MAP3K19: variants seen among roughly 807,000 people sequenced by gnomAD.
MAP3K19 encodes SPS1/STE20-related protein kinase YSK4.
A neutral mutation model predicts 114.4 loss-of-function variants in MAP3K19; 91 were observed. The ratio of observed to expected loss-of-function variants is 0.80; its 90% CI spans 0.67 to 0.95. MAP3K19 has a LOEUF of 0.95. Among genes scored for constraint, MAP3K19 ranks in the 40% least tolerant of loss-of-function variants. MAP3K19 has a pLI of 0.00. For synonymous variants in MAP3K19, 518 were observed against 530.5 expected (o/e 0.98, Z 0.32); for missense variants, 1,471 against 1,573.2 (o/e 0.94, Z 1.10).
rs144673376 is a variant in MAP3K19 at position 134,999,581 on chromosome 2, A to G, written c.314+356T>C. On this transcript the variant is annotated intron_variant, in intron 7 of 12. Coordinates refer to ENST00000392915, the MANE Select transcript of MAP3K19 (RefSeq NM_025052.5). The surrounding 1 kb of genome is among the most constrained non-coding windows in gnomAD (Gnocchi z 4.1). ...TCATGGACTAGTAACAGGACCACAG[A>G]ACCACATTCTAAGTAGCTCTGCCCT... Among the ~76,000 whole-genome samples the G allele has an allele frequency of 4.3e-4, 66 of 152,336 alleles. No homozygotes were observed. Among genetic ancestry groups the G allele is most frequent in the African/African-American group, 1.5e-3 (62 of 41,570 alleles).
Position 135,005,612 on chromosome 2 carries a change from T to C in MAP3K19, c.139-81A>G, listed in dbSNP as rs1686758378. The C allele has an allele frequency of 2.9e-6, 3 of 1,046,390 alleles. No homozygotes were observed. In the South Asian group the frequency reaches 3.9e-5, roughly 14 times the overall value. The allele number at this position is 1,046,390 out of a possible 1,614,324, so 64.8% of individuals were successfully genotyped here. On this transcript the variant is annotated intron_variant, in intron 5 of 12. Coordinates refer to ENST00000392915, the MANE Select transcript of MAP3K19 (RefSeq NM_025052.5). ...TTGGCAGAGTGAATGTTGATTTTTCTGGGCTAAAGATTTACACCATGGATT... is the reference window on the plus strand; with the variant it reads ...TTGGCAGAGTGAATGTTGATTTTTCCGGGCTAAAGATTTACACCATGGATT...
At chr2:134,976,739 T>G (rs551467446) in intron 12 of MAP3K19, among the ~76,000 whole-genome samples, 2 of 138,882 alleles carry the variant, frequency 1.4e-5, no homozygotes, top group South Asian at 4.9e-4. Context: ...TTTGTGTCAT[T>G]TCAAAAGTAA....
chr2:134,973,044 G>T (rs1013839805), intron 12 of MAP3K19, among the ~76,000 whole-genome samples: 1 of 152,126 alleles, frequency 6.6e-6, no homozygotes, highest in Non-Finnish European at 1.5e-5. Context: ...TTGTTTTGCA[G>T]CCTAATGTAT....
intron 9 of MAP3K19, chr2:134,991,239 T>G: frequency 3.1e-6 from 1 of 326,654 alleles, no homozygotes; most frequent in South Asian, 3.2e-5. Flanking sequence ...AGGCGGAGCT[T>G]GCAGTGAGCC....
chr2:135,020,017 T>C (rs1365441369), intron 5 of MAP3K19, among the ~76,000 whole-genome samples: 2 of 151,160 alleles, frequency 1.3e-5, no homozygotes, highest in African/African-American at 2.5e-5. Context: ...GATCTCCTTT[T>C]CTTTTCCTTT....
chr2:134,996,501 G>A (rs550637113), intron 8 of MAP3K19, among the ~76,000 whole-genome samples: 19 of 152,266 alleles, frequency 1.2e-4, no homozygotes, highest in Non-Finnish European at 2.6e-4. Context: ...GTGCTATGTT[G>A]TAGGTAAGGT....
chr2:135,028,579 A>G (rs988529024), intron 3 of MAP3K19, among the ~76,000 whole-genome samples: 4 of 152,000 alleles, frequency 2.6e-5, no homozygotes, highest in Admixed American at 6.6e-5. Context: ...AAAAAATTTA[A>G]AAAAAACAAC....
chr2:134,970,962 A>G (rs1048822222), intron 12 of MAP3K19, among the ~76,000 whole-genome samples: 2 of 152,194 alleles, frequency 1.3e-5, no homozygotes, highest in African/African-American at 2.4e-5. Flanking sequence ...TATGTTGAAT[A>G]GGAGCGGTGA....
chr2:135,022,184 A>T (rs745428951), intron 4 of MAP3K19, among the ~76,000 whole-genome samples: 14 of 152,240 alleles, frequency 9.2e-5, no homozygotes, highest in Non-Finnish European at 2.1e-4. Flanking sequence ...CCAAATTTTA[A>T]GCTGTATGAG....
rs1394220815 is a variant in MAP3K19 at position 134,981,245 on chromosome 2, A to G, written c.3496T>C (p.Tyr1166His). Reference sequence around the variant, plus strand: ...ACACCTTGAAGTATTTGTTTCGTATATTTACAGAACACCATCTCAGGCAAT... The same window carrying G: ...ACACCTTGAAGTATTTGTTTCGTATGTTTACAGAACACCATCTCAGGCAAT... ...GPLPEMVFCKYTKQILQGVAY... is the reference protein window; with the variant it reads ...GPLPEMVFCKHTKQILQGVAY... Residue 1166 changes from tyrosine to histidine, a missense_variant, in exon 12 of 13, where the codon TAT (tyrosine) becomes CAT (histidine). Physicochemically the swap from Tyr to His is moderately conservative, Grantham distance 83 (BLOSUM62 2). Coordinates refer to ENST00000392915, the MANE Select transcript of MAP3K19 (RefSeq NM_025052.5). 3.7e-6 allele frequency: 6 copies of G among 1,614,074 alleles called. No homozygotes were observed. The highest frequency in any genetic ancestry group is 5.1e-6 in the Non-Finnish European group (6 of 1,180,056).
At chr2:134,981,929 T>C (rs1195967407) in intron 11 of MAP3K19, among the ~76,000 whole-genome samples, 1 of 148,278 alleles carries the variant, frequency 6.7e-6, no homozygotes, top group East Asian at 2.0e-4. Flanking sequence ...TCTCACTCTG[T>C]TGCCCAGGCT....
chr2:135,043,045 T>A (rs1438760240), intron 1 of MAP3K19, among the ~76,000 whole-genome samples: 2 of 152,086 alleles, frequency 1.3e-5, no homozygotes, highest in Non-Finnish European at 2.9e-5. Context: ...ATCAAACCAC[T>A]GCGCTCCAGC....
At chr2:135,001,415 G>C (rs1027580748) in intron 6 of MAP3K19, among the ~76,000 whole-genome samples, 1 of 152,206 alleles carries the variant, frequency 6.6e-6, no homozygotes, top group African/African-American at 2.4e-5. Flanking sequence ...CAAAAAATGA[G>C]AGACTTGGAA....
intron 12 of MAP3K19, among the ~76,000 whole-genome samples, chr2:134,969,185 CA>C (rs200293354): frequency 0.31 from 46,309 of 150,732 alleles, 8,045 homozygotes; most frequent in Middle Eastern, 0.62. Context: ...CCGTCTCCAC[CA>C]AAAAAAAATA....
In MAP3K19 at chr2:135,021,758, G is replaced by T. The variant is rs75648600; in HGVS notation, c.95C>A (p.Thr32Asn). ...NSSPTDLMTV[T>N]KNQNIILQSI... ...TTGCAAGATGATGTTTTGATTTTTG[G>T]TAACTGTCATCAAATCAGTTGGAGA... is the stretch of plus-strand genomic sequence containing the variant. Residue 32 changes from threonine (T) to asparagine (N), a missense_variant, in exon 5 of 13, where the codon ACC (threonine) becomes AAC (asparagine). Coordinates refer to ENST00000392915, the MANE Select transcript of MAP3K19 (RefSeq NM_025052.5). 2 of 1,612,616 alleles carry T rather than the reference G, an allele frequency of 1.2e-6. No individual in the cohort carries two copies. Among genetic ancestry groups the T allele is most frequent in the Non-Finnish European group, 1.7e-6 (2 of 1,179,446 alleles).
At chr2:135,024,541 T>A (rs1688179278) in intron 4 of MAP3K19, 85 bp downstream of exon 4, 2 of 1,207,334 alleles carry the variant, frequency 1.7e-6, no homozygotes, top group African/African-American at 1.5e-5. Flanking sequence ...TTTAAATGGA[T>A]CCATCAAACA....
In MAP3K19 at chr2:134,981,335, C is replaced by T. The variant is rs1406193709; in HGVS notation, c.3406G>A (p.Val1136Met). 1 of 1,614,208 alleles carries T rather than the reference C, an allele frequency of 6.2e-7. No individual in the cohort carries two copies. Among genetic ancestry groups the T allele is most frequent in the Admixed American group, 1.7e-5 (1 of 60,020 alleles). ...YLGTCLQENTVSIFMEFVPGG... is the reference protein window; with the variant it reads ...YLGTCLQENTMSIFMEFVPGG... ...GGAACAAACTCCATGAAAATGCTCA[C>T]AGTGTTCTCTTGCAAGCATGTCCCC... Residue 1136 changes from valine to methionine, a missense_variant, in exon 12 of 13, where the codon GTG (valine) becomes ATG (methionine). Val to Met is a conservative substitution (Grantham distance 21). Coordinates refer to ENST00000392915, the MANE Select transcript of MAP3K19 (RefSeq NM_025052.5).
intron 5 of MAP3K19, among the ~76,000 whole-genome samples, chr2:135,013,026 G>A (rs556736519): frequency 1.3e-5 from 2 of 152,186 alleles, no homozygotes; most frequent in South Asian, 4.1e-4. Context: ...GAGAAATTAA[G>A]AGGAAGGTAT....
intron 5 of MAP3K19, among the ~76,000 whole-genome samples, chr2:135,013,311 C>CA (rs774827558): frequency 1.4e-3 from 165 of 119,448 alleles, no homozygotes; most frequent in Middle Eastern, 8.5e-3. Context: ...GAGTCCGTCC[C>CA]AAAAAAAAAA....
Sources: gnomAD v4.1 joint callset for allele counts (sites outside exome capture counted in the v4.1 genomes callset) on GRCh38, gnomAD v4.1.1 for gene constraint, Gnocchi (gnomAD v3.1) non-coding constraint, MANE v1.5 for transcripts, NCBI Gene and HGNC (gene_info 2026-07-23, HGNC 2026-07-21) for gene names.